SLC36A4: variants seen among roughly 807,000 people sequenced by gnomAD.
SLC36A4 encodes neutral amino acid uniporter 4.
SLC36A4 carries 49 observed loss-of-function variants against 50.5 expected under a neutral mutation model. That is an observed-to-expected ratio of 0.97 (90% CI 0.77 to 1.23). SLC36A4 has a LOEUF of 1.23. SLC36A4 is among the 50% of genes most tolerant of loss of function. SLC36A4 has a pLI of 0.00. For missense variants in SLC36A4, 611 were observed against 608.4 expected (o/e 1.00, Z -0.05); for synonymous variants, 207 against 206.5 (o/e 1.00, Z -0.02).
intron 1 of SLC36A4, chr11:93,193,159 G>T: frequency 2.8e-6 from 1 of 356,642 alleles, no homozygotes; most frequent in Non-Finnish European, 3.9e-6. Context: ...TAATACTTCT[G>T]AGCATTTATG....
intron 6 of SLC36A4, among the ~76,000 whole-genome samples, chr11:93,173,986 A>G (rs1469988186): frequency 1.4e-5 from 2 of 148,132 alleles, no homozygotes; most frequent in South Asian, 2.2e-4. Flanking sequence ...CTGTGAAGAA[A>G]GTCATTGGTA....
chr11:93,194,747 TCA>T (rs1356613228), intron 1 of SLC36A4, among the ~76,000 whole-genome samples: 1 of 152,226 alleles, frequency 6.6e-6, no homozygotes, highest in Non-Finnish European at 1.5e-5. Flanking sequence ...CATTATGTTC[TCA>T]TTCTGTCTCC....
intron 6 of SLC36A4, among the ~76,000 whole-genome samples, chr11:93,177,145 T>C (rs542266138): frequency 5.3e-5 from 8 of 152,290 alleles, no homozygotes; most frequent in African/African-American, 1.9e-4. Context: ...GGAGGCTTTG[T>C]TCGTTTCTTT....
chr11:93,158,853 T>G (rs1860486320), intron 9 of SLC36A4, among the ~76,000 whole-genome samples: 1 of 152,064 alleles, frequency 6.6e-6, no homozygotes, highest in South Asian at 2.1e-4. Flanking sequence ...TAAAGAATAA[T>G]AAACTTTCTT....
chr11:93,181,014 G>A (rs1393976955), intron 5 of SLC36A4, 133 bp from the exon 6 acceptor site: 1 of 660,206 alleles, frequency 1.5e-6, no homozygotes, highest in Non-Finnish European at 2.6e-6. Flanking sequence ...CAGGAACTCA[G>A]AGCAGTTCAT....
chr11:93,177,787 G>A (rs1330707110), intron 6 of SLC36A4, among the ~76,000 whole-genome samples: 1 of 152,168 alleles, frequency 6.6e-6, no homozygotes, highest in Middle Eastern at 3.2e-3. Context: ...GCCCCTACTG[G>A]GAGGCGTCTC....
At chr11:93,173,346 G>T (rs1324285468) in intron 6 of SLC36A4, among the ~76,000 whole-genome samples, 30 of 148,226 alleles carry the variant, frequency 2.0e-4, no homozygotes, top group Middle Eastern at 6.9e-3. Context: ...CTGGATATCA[G>T]CCCTTTGTCA....
rs1426991538 is a variant in SLC36A4 at position 93,174,526 on chromosome 11, A to G, written c.540+6271T>C. Among the ~76,000 whole-genome samples the G allele has an allele frequency of 5.4e-5, 8 of 149,136 alleles. 1 individual carries two copies. In the South Asian group the frequency reaches 8.8e-4, roughly 16 times the overall value. On this transcript the variant is annotated intron_variant, in intron 6 of 10. Coordinates refer to ENST00000326402, the MANE Select transcript of SLC36A4 (RefSeq NM_152313.4). Reference sequence around the variant, plus strand: ...AGAGAGGACATCCCTGTCTTGTGCCAGTTTTCAAAGGGAATGCTTCCAGTT... The same window carrying G: ...AGAGAGGACATCCCTGTCTTGTGCCGGTTTTCAAAGGGAATGCTTCCAGTT...
At chr11:93,155,619 G>A (rs1860321197) in intron 9 of SLC36A4, 1 of 151,984 alleles carries the variant, frequency 6.6e-6, no homozygotes, top group Non-Finnish European at 1.5e-5. Flanking sequence ...TACATGTGCA[G>A]GTTATATAGG....
rs545871753 is a variant in SLC36A4 at position 93,162,502 on chromosome 11, T to C, written c.1037+204A>G. Among the ~76,000 whole-genome samples, 138 of 152,074 alleles carry C rather than the reference T, an allele frequency of 9.1e-4. 1 individual carries two copies. Among genetic ancestry groups the C allele is most frequent in the African/African-American group, 3.2e-3 (131 of 41,472 alleles). On this transcript the variant is annotated intron_variant, in intron 9 of 10. Transcript: ENST00000326402. ...TTTTGTATTTTTAGTACAGATGGGG[T>C]TTCATTATGTTGGCCAGGCTGGTCT... is the stretch of plus-strand genomic sequence containing the variant.
chr11:93,156,997 C>A (rs941159590), intron 9 of SLC36A4, among the ~76,000 whole-genome samples: 1 of 152,092 alleles, frequency 6.6e-6, no homozygotes, highest in African/African-American at 2.4e-5. Context: ...TAAGCCTTTA[C>A]TCCATCTTGA....
intron 1 of SLC36A4, among the ~76,000 whole-genome samples, chr11:93,186,320 T>C (rs1465973084): frequency 2.0e-5 from 3 of 152,198 alleles, no homozygotes; most frequent in Non-Finnish European, 4.4e-5. Context: ...TAAATATTCA[T>C]ATTATCAAAT....
chr11:93,149,795 G>A (rs1052527596), intron 10 of SLC36A4, among the ~76,000 whole-genome samples: 2 of 151,964 alleles, frequency 1.3e-5, no homozygotes, highest in African/African-American at 4.8e-5. Context: ...AAACTGGCAA[G>A]ATTATCATAA....
chr11:93,182,670 C>T, intron 4 of SLC36A4, 136 bp downstream of exon 4: 2 of 504,472 alleles, frequency 4.0e-6, no homozygotes, highest in Non-Finnish European at 6.9e-6. Context: ...ATGCTACCTT[C>T]TTCCATATTC....
chr11:93,155,791 C>A (rs1341330138), intron 9 of SLC36A4, among the ~76,000 whole-genome samples: 1 of 152,042 alleles, frequency 6.6e-6, no homozygotes, highest in African/African-American at 2.4e-5. Flanking sequence ...GCGTTTTCAT[C>A]ATTTAGCTCC....
intron 9 of SLC36A4, chr11:93,160,454 T>C (rs1860568031): frequency 1.0e-6 from 1 of 985,266 alleles, no homozygotes; most frequent in South Asian, 4.7e-5. Context: ...TCTCAACTAG[T>C]TCCATTCTAA....
intron 1 of SLC36A4, among the ~76,000 whole-genome samples, chr11:93,196,388 A>T (rs1441835962): frequency 6.6e-6 from 1 of 151,580 alleles, no homozygotes; most frequent in Non-Finnish European, 1.5e-5. Context: ...TTTTTTTGAG[A>T]CAGAGTCTCG....
Position 93,176,651 on chromosome 11 carries a change from C to T in SLC36A4, c.540+4146G>A, listed in dbSNP as rs544900854. Among the ~76,000 whole-genome samples, 9 of 152,058 alleles carry T rather than the reference C, an allele frequency of 5.9e-5. No homozygotes were observed. The East Asian group carries it at 1.5e-3, about 26-fold the overall frequency. On this transcript the variant is annotated intron_variant, in intron 6 of 10. Transcript: ENST00000326402. ...TCTTTTAGGGCAGGCCTGGTAGTGA[C>T]AAAATCTCTCAGCATTTGCTTGTCT...
chr11:93,144,809 T>A lies in SLC36A4; in HGVS notation c.*3728A>T, dbSNP rs1159678665. 1.3e-5 allele frequency: 2 copies of A among 152,032 alleles called. No individual in the cohort carries two copies. Among genetic ancestry groups the A allele is most frequent in the African/African-American group, 4.8e-5 (2 of 41,424 alleles). 9.4% of individuals were successfully genotyped at this position (152,032 alleles called of 1,614,324 possible). A position where few individuals can be genotyped will look rare whatever the true frequency, so the allele number is the denominator to read the frequency against. On this transcript the variant is annotated 3_prime_UTR_variant, in exon 11 of 11. Transcript: ENST00000326402. ...TTTCAGATCCAAGTTTCTCAAATTT[T>A]CTTATTAAGGGAAGCTAGGTGAGCC...
Sources: allele counts gnomAD v4.1 joint callset (sites outside exome capture counted in the v4.1 genomes callset), GRCh38; gene constraint gnomAD v4.1.1; transcripts MANE v1.5; gene names NCBI Gene and HGNC (gene_info 2026-07-23, HGNC 2026-07-21).